TTC34: variants seen among roughly 807,000 people sequenced by gnomAD.
The protein encoded by TTC34 is tetratricopeptide repeat domain 34.
In TTC34, 44 loss-of-function variants were observed where a neutral mutation model predicts 40.7. The ratio of observed to expected loss-of-function variants is 1.08; its 90% confidence interval spans 0.85 to 1.39. The LOEUF is 1.39. TTC34 is among the 40% of genes most tolerant of loss of function. The probability of loss-of-function intolerance (pLI) is 0.00; values close to 1 mark genes in which losing one functional copy is unlikely to be tolerated. For missense variants in TTC34, 884 were observed against 838.0 expected (o/e 1.05, Z -0.68); for synonymous variants, 422 against 398.6 (o/e 1.06, Z -0.70).
chr1:2,696,477 A>C, intron 6 of TTC34, among the ~76,000 whole-genome samples: 1 of 31,580 alleles, frequency 3.2e-5, no homozygotes, highest in Admixed American at 3.8e-4. Flanking sequence ...CTGCACCCAC[A>C]CTCCCAGGCG....
At chr1:2,699,495 CCCA>C (rs1641028842) in intron 6 of TTC34, among the ~76,000 whole-genome samples, 1 of 127,376 alleles carries the variant, frequency 7.9e-6, no homozygotes, top group Non-Finnish European at 1.8e-5. Flanking sequence ...CACCCACACA[CCCA>C]GGCGAGAATC....
intron 6 of TTC34, among the ~76,000 whole-genome samples, chr1:2,752,633 CCCT>C (rs1641362110): frequency 1.1e-5 from 1 of 86,996 alleles, no homozygotes; most frequent in Admixed American, 1.2e-4. Context: ...GCATCTGACA[CCCT>C]GGAACTGCAC....
chr1:2,697,313 A>T (rs1485363160), intron 6 of TTC34, among the ~76,000 whole-genome samples: 4 of 126,806 alleles, frequency 3.2e-5, no homozygotes, highest in East Asian at 2.6e-4. Flanking sequence ...ACCCTGGAAC[A>T]GCACACACAC....
At chr1:2,681,808 T>C in intron 6 of TTC34, among the ~76,000 whole-genome samples, 1 of 114,126 alleles carries the variant, frequency 8.8e-6, no homozygotes, top group East Asian at 2.3e-4. Context: ...TCTGATGGTT[T>C]GCGGCAACAC....
In TTC34 at chr1:2,767,944, C is replaced by T. The variant is rs1451100474; in HGVS notation, c.2226+15665G>A. On this transcript the variant is annotated intron_variant, in intron 6 of 8. Transcript: ENST00000401095. Reference sequence around the variant, plus strand: ...CACCACACACCCCAAGGTGGGCATCCGATGGCATGGAACAGCACCCCCACT... The same window carrying T: ...CACCACACACCCCAAGGTGGGCATCTGATGGCATGGAACAGCACCCCCACT... 4.0e-5 allele frequency among the ~76,000 whole-genome samples: 6 copies of T among 148,444 alleles called. 1 individual carries two copies. The highest frequency in any genetic ancestry group is 2.2e-4 in the South Asian group (1 of 4,456).
At chr1:2,641,285 G>T in exon 9 of TTC34, 3 of 1,407,984 alleles carry the variant, frequency 2.1e-6, no homozygotes, top group African/African-American at 2.9e-5. Context: ...GATTTAGGGA[G>T]CTGGGTACAC....
chr1:2,651,057 G>A (rs1484284666), intron 6 of TTC34, among the ~76,000 whole-genome samples: 1 of 141,268 alleles, frequency 7.1e-6, no homozygotes, highest in Non-Finnish European at 1.5e-5. Flanking sequence ...AGCCTAGAAC[G>A]GTATGTCACA....
chr1:2,686,710 A>T (rs1640368761), intron 6 of TTC34, among the ~76,000 whole-genome samples: 1 of 128,108 alleles, frequency 7.8e-6, no homozygotes. Context: ...ACAGCCTGGA[A>T]CAGCACACAC....
chr1:2,691,549 G>A (rs1640618168), intron 6 of TTC34, among the ~76,000 whole-genome samples: 3 of 136,636 alleles, frequency 2.2e-5, no homozygotes, highest in Non-Finnish European at 4.9e-5. Context: ...ACACCCCCAG[G>A]TGAGCATCTG....
intron 2 of TTC34, among the ~76,000 whole-genome samples, chr1:2,792,293 C>A (rs1039657179): frequency 6.6e-6 from 1 of 152,020 alleles, no homozygotes; most frequent in Non-Finnish European, 1.5e-5. Flanking sequence ...AGGAACCATG[C>A]CTAGCCTGGT....
At chr1:2,693,051 G>A (rs1448731663) in intron 6 of TTC34, among the ~76,000 whole-genome samples, 1 of 82,818 alleles carries the variant, frequency 1.2e-5, no homozygotes, top group African/African-American at 4.0e-5. Context: ...TGTACGCACA[G>A]AGCAGCACCC....
intron 6 of TTC34, among the ~76,000 whole-genome samples, chr1:2,688,309 G>A (rs1392835427): frequency 2.2e-4 from 18 of 81,408 alleles, no homozygotes; most frequent in African/African-American, 1.2e-3. Flanking sequence ...GCATCTGACA[G>A]CCTGGAGCAG....
chr1:2,687,241 A>G (rs1420812755), intron 6 of TTC34, among the ~76,000 whole-genome samples: 2 of 134,174 alleles, frequency 1.5e-5, no homozygotes, highest in African/African-American at 3.2e-5. Context: ...AGCAGCACCC[A>G]CACCCCCAGG....
chr1:2,643,171 C>G (rs981496900), intron 8 of TTC34, among the ~76,000 whole-genome samples: 2 of 152,220 alleles, frequency 1.3e-5, no homozygotes, highest in East Asian at 1.9e-4. Flanking sequence ...ACCCCAGACT[C>G]CCCTGAGCCC....
intron 6 of TTC34, among the ~76,000 whole-genome samples, chr1:2,751,422 T>C (rs1641315237): frequency 1.1e-4 from 13 of 119,542 alleles, no homozygotes; most frequent in Middle Eastern, 5.2e-3. Flanking sequence ...GGTGGGCATC[T>C]GACAGCCTGG....
chr1:2,787,035 G>T (rs1032432105), intron 4 of TTC34, among the ~76,000 whole-genome samples: 1 of 152,194 alleles, frequency 6.6e-6, no homozygotes, highest in Non-Finnish European at 1.5e-5. Flanking sequence ...GGCAGGTAAG[G>T]GTCTGCCTTT....
At chr1:2,800,284 G>T in exon 2 of TTC34, 1 of 398,664 alleles carries the variant, frequency 2.5e-6, no homozygotes, top group Non-Finnish European at 4.4e-6. Flanking sequence ...GGGAGGTGGG[G>T]CCGCTGGTGG....
At chr1:2,788,819 C>A (rs537257067) in intron 3 of TTC34, among the ~76,000 whole-genome samples, 1 of 152,170 alleles carries the variant, frequency 6.6e-6, no homozygotes, top group African/African-American at 2.4e-5. Flanking sequence ...AAAGGCCAGG[C>A]GCGGTGGCTC....
At chr1:2,772,986 G>T (rs1243376687) in intron 6 of TTC34, among the ~76,000 whole-genome samples, 1 of 151,200 alleles carries the variant, frequency 6.6e-6, no homozygotes, top group East Asian at 2.0e-4. Context: ...ACCCCCAGGC[G>T]AGCATCTGAC....
Sources: gnomAD v4.1 joint callset for allele counts (sites outside exome capture counted in the v4.1 genomes callset) on GRCh38, gnomAD v4.1.1 for gene constraint, MANE v1.5 for transcripts, NCBI Gene and HGNC (gene_info 2026-07-23, HGNC 2026-07-21) for gene names.